The following ZNF565 variants were observed in gnomAD, a reference collection of about 807,000 sequenced individuals.
ZNF565 encodes zinc finger protein 565.
In ZNF565, 27 loss-of-function variants were observed where a neutral mutation model predicts 39.4. That is an observed-to-expected ratio of 0.69 (90% CI 0.51 to 0.95). The LOEUF (loss-of-function observed/expected upper bound fraction) is 0.95, where lower values mean the gene tolerates loss of function less well. Ranked by LOEUF, ZNF565 falls within the 40% of genes least tolerant of loss-of-function variation. The probability of loss-of-function intolerance (pLI) is 0.00; values close to 1 mark genes in which losing one functional copy is unlikely to be tolerated. For synonymous variants in ZNF565, 185 were observed against 216.6 expected, an observed-to-expected ratio of 0.85 and a Z score of 1.28; for missense variants, 524 against 621.1, an observed-to-expected ratio of 0.84 and a Z score of 1.66.
intron 1 of ZNF565, chr19:36,238,022 G>A (rs924671150): frequency 2.4e-5 from 4 of 167,106 alleles, no homozygotes; most frequent in Non-Finnish European, 5.9e-5. Context: ...GAGTATGAAT[G>A]CTCAGGAAAT....
At chr19:36,227,889 G>A (rs1977144798) in intron 1 of ZNF565, among the ~76,000 whole-genome samples, 2 of 152,096 alleles carry the variant, frequency 1.3e-5, no homozygotes, top group Non-Finnish European at 2.9e-5. Context: ...GACACGGCAC[G>A]GTGGCTTACA....
At chr19:36,191,679 C>T (rs1482503215) in intron 4 of ZNF565, among the ~76,000 whole-genome samples, 1 of 152,118 alleles carries the variant, frequency 6.6e-6, no homozygotes, top group African/African-American at 2.4e-5. Flanking sequence ...CCCACGAACT[C>T]ATCGTGATAT....
At chr19:36,224,673 C>CT (rs1320782842) in intron 1 of ZNF565, among the ~76,000 whole-genome samples, 2 of 152,108 alleles carry the variant, frequency 1.3e-5, no homozygotes, top group Non-Finnish European at 2.9e-5. Flanking sequence ...ATTAGCTTGT[C>CT]TCGTTCCAGA....
intron 1 of ZNF565, among the ~76,000 whole-genome samples, chr19:36,221,336 T>C (rs2145406949): frequency 7.1e-6 from 1 of 140,672 alleles, no homozygotes; most frequent in Middle Eastern, 3.7e-3. Context: ...TCCCCTAGGC[T>C]GGAGTGCAGT....
intron 1 of ZNF565, chr19:36,238,566 T>C (rs1977731006): frequency 1.8e-5 from 3 of 167,080 alleles, no homozygotes; most frequent in African/African-American, 7.2e-5. Context: ...TCTGTATTTT[T>C]AAAATTTCTC....
At chr19:36,235,821 C>A (rs758009639) in intron 1 of ZNF565, 1 of 152,170 alleles carries the variant, frequency 6.6e-6, no homozygotes, top group Non-Finnish European at 1.5e-5. Context: ...TGTTTTAAGG[C>A]CACACCTTTT....
At chr19:36,209,572 A>ATGGAG (rs11280988) in intron 1 of ZNF565, among the ~76,000 whole-genome samples, 1 of 151,758 alleles carries the variant, frequency 6.6e-6, no homozygotes, top group Non-Finnish European at 1.5e-5. Context: ...AGAAGAAATG[A>ATGGAG]TGACTCAGTA....
rs367776371 is a variant in ZNF565 at position 36,228,172 on chromosome 19, A to AG, written c.55+17303_55+17304insC. On this transcript the variant is annotated intron_variant, in intron 1 of 4. Transcript: ENST00000355114. ...TGAAACTGTCTCAAAAAAAAAAAAA[A>AG]AAAAAGAAAGAATTTCACTCTCAGT... 6.3e-3 allele frequency among the ~76,000 whole-genome samples: 936 copies of AG among 149,186 alleles called. 8 individuals carry two copies. Among genetic ancestry groups the AG allele is most frequent in the African/African-American group, 0.019 (772 of 39,802 alleles).
upstream of ZNF565, among the ~76,000 whole-genome samples, chr19:36,218,860 G>A (rs1308709128): frequency 6.6e-6 from 1 of 150,598 alleles, no homozygotes; most frequent in Non-Finnish European, 1.5e-5. Context: ...CCAGGCTGGA[G>A]TGCAGTGGTG....
At chr19:36,193,650 C>T (rs1975654894) in intron 4 of ZNF565, among the ~76,000 whole-genome samples, 1 of 150,424 alleles carries the variant, frequency 6.6e-6, no homozygotes, top group Non-Finnish European at 1.5e-5. Flanking sequence ...ACCATGTTAG[C>T]CAGGATGGTC....
Position 36,230,291 on chromosome 19 carries a change from A to G in ZNF565, c.55+15185T>C, listed in dbSNP as rs1027679093. On this transcript the variant is annotated intron_variant, in intron 1 of 4. Coordinates refer to the ZNF565 transcript ENST00000355114. The stretch of plus-strand genomic sequence containing the variant: ...ATCCTACAAGTATTTATTGCATGAT[A>G]TGTATTAGGTACTATTTCAGATGCT... Among the ~76,000 whole-genome samples the G allele has an allele frequency of 4.6e-5, 7 of 152,204 alleles. No individual in the cohort carries two copies. The South Asian group carries it at 6.2e-4, about 13-fold the overall frequency.
At chr19:36,199,020 CACA>C (rs1332359700) in intron 2 of ZNF565, among the ~76,000 whole-genome samples, 1 of 152,296 alleles carries the variant, frequency 6.6e-6, no homozygotes, top group East Asian at 1.9e-4. Context: ...ATGCCTGTAT[CACA>C]ACATCTCATG....
intron 2 of ZNF565, among the ~76,000 whole-genome samples, chr19:36,196,157 C>T (rs531945476): frequency 1.3e-5 from 2 of 152,138 alleles, no homozygotes; most frequent in East Asian, 1.9e-4. Context: ...ATCTTGAACT[C>T]CTGACCTCAT....
chr19:36,195,227 T>C lies in ZNF565; in HGVS notation c.10-71A>G. 2.6e-6 allele frequency: 4 copies of C among 1,550,502 alleles called. No individual in the cohort carries two copies. In the East Asian group the frequency reaches 9.0e-5, roughly 35 times the overall value. On this transcript the variant is annotated intron_variant, in intron 2 of 4. Coordinates refer to ENST00000304116, the MANE Select transcript of ZNF565 (RefSeq NM_152477.5). ...TCATTTATTATGAAAATTTTCAAGA[T>C]GCACAAAAGTACAGAGAATAGTTGA...
chr19:36,237,227 A>G (rs1181201117), intron 1 of ZNF565: 1 of 1,613,988 alleles, frequency 6.2e-7, no homozygotes, highest in African/African-American at 1.3e-5. Context: ...GAGAATACAC[A>G]CAGGTAAGAA....
At chr19:36,206,129 T>C (rs1302167478) in intron 1 of ZNF565, among the ~76,000 whole-genome samples, 1 of 152,122 alleles carries the variant, frequency 6.6e-6, no homozygotes, top group African/African-American at 2.4e-5. Context: ...GCTCTGCTAA[T>C]GTTTGTAACT....
chr19:36,226,589 C>G (rs1438086445), intron 1 of ZNF565, among the ~76,000 whole-genome samples: 3 of 151,852 alleles, frequency 2.0e-5, no homozygotes, highest in Admixed American at 2.0e-4. Flanking sequence ...TTTTCCTGAA[C>G]GATTTGAAAC....
intron 1 of ZNF565, among the ~76,000 whole-genome samples, chr19:36,239,792 A>G (rs140391268): frequency 3.3e-3 from 507 of 152,310 alleles, no homozygotes; most frequent in African/African-American, 0.012. Context: ...CAGACCCTAG[A>G]CAGAGTTCTA....
intron 1 of ZNF565, chr19:36,235,842 A>G (rs1414106971): frequency 6.6e-6 from 1 of 152,242 alleles, no homozygotes; most frequent in Non-Finnish European, 1.5e-5. Context: ...TGAAGTTTTC[A>G]GTTTGAAACA....
Sources: allele counts gnomAD v4.1 joint callset (sites outside exome capture counted in the v4.1 genomes callset), GRCh38; gene constraint gnomAD v4.1.1; transcripts MANE v1.5; gene names NCBI Gene and HGNC (gene_info 2026-07-23, HGNC 2026-07-21).